The following PPFIA2 variants were observed in gnomAD, a reference collection of about 807,000 sequenced individuals.
PPFIA2 encodes the protein liprin-alpha-2.
Under a neutral mutation model 175.5 loss-of-function variants are expected in PPFIA2, and 46 were observed. The observed-to-expected ratio is 0.26, with a 90% CI of 0.21 to 0.34. The LOEUF (loss-of-function observed/expected upper bound fraction) is 0.34, where lower values mean the gene tolerates loss of function less well. Ranked by LOEUF, PPFIA2 falls within the 10% of genes least tolerant of loss-of-function variation. The probability of loss-of-function intolerance (pLI) is 1.00; values close to 1 mark genes in which losing one functional copy is unlikely to be tolerated. For missense variants in PPFIA2, 1,179 were observed against 1,506.1 expected, an observed-to-expected ratio of 0.78 and a Z score of 3.60; for synonymous variants, 568 against 511.4, an observed-to-expected ratio of 1.11 and a Z score of -1.49.
At chr12:81,673,575 T>C (rs2071850975) in intron 4 of PPFIA2, among the ~76,000 whole-genome samples, 1 of 152,072 alleles carries the variant, frequency 6.6e-6, no homozygotes, top group South Asian at 2.1e-4. Flanking sequence ...ATAAATTCTA[T>C]GCTCTTATGC....
intron 4 of PPFIA2, among the ~76,000 whole-genome samples, chr12:81,549,549 T>C (rs1271503740): frequency 6.6e-6 from 1 of 151,980 alleles, no homozygotes; most frequent in African/African-American, 2.4e-5. Flanking sequence ...TGCTTTTAAG[T>C]ATACAGGAGT....
intron 21 of PPFIA2, among the ~76,000 whole-genome samples, chr12:81,334,389 A>G (rs747691001): frequency 2.8e-4 from 42 of 152,026 alleles, no homozygotes; most frequent in Non-Finnish European, 7.4e-5. Flanking sequence ...AAAGTCCATA[A>G]TTGGTACTCT....
chr12:81,679,298 T>C (rs1455988479), intron 3 of PPFIA2, among the ~76,000 whole-genome samples: 21 of 151,882 alleles, frequency 1.4e-4, no homozygotes. Context: ...CCAAGTGCAT[T>C]TGGAGTTAAT....
Position 81,740,012 on chromosome 12 carries a change from A to G in PPFIA2, c.249+13961T>C, listed in dbSNP as rs534262654. Among the ~76,000 whole-genome samples the G allele has an allele frequency of 2.0e-5, 3 of 152,226 alleles. No individual in the cohort carries two copies. The East Asian group carries it at 5.8e-4, about 29-fold the overall frequency. On this transcript the variant is annotated intron_variant, in intron 3 of 32. Coordinates refer to ENST00000549396, the MANE Select transcript of PPFIA2 (RefSeq NM_003625.5). Reference sequence around the variant, plus strand: ...AAAGCAGAGCTGGGAGCCAAGAGCAATGAGATTTCATTTTCTTCCTGTAGC... The same window carrying G: ...AAAGCAGAGCTGGGAGCCAAGAGCAGTGAGATTTCATTTTCTTCCTGTAGC...
At chr12:81,466,375 A>T (rs2055627461) in intron 4 of PPFIA2, among the ~76,000 whole-genome samples, 1 of 152,170 alleles carries the variant, frequency 6.6e-6, no homozygotes, top group African/African-American at 2.4e-5. Flanking sequence ...CCCTTGGTAG[A>T]TGTGTACTTG....
chr12:81,680,025 T>A (rs2073310406), intron 3 of PPFIA2, among the ~76,000 whole-genome samples: 1 of 152,002 alleles, frequency 6.6e-6, no homozygotes, highest in Admixed American at 6.6e-5. Flanking sequence ...CAAATGTGTC[T>A]ATTTTCTTAT....
intron 4 of PPFIA2, among the ~76,000 whole-genome samples, chr12:81,495,583 T>C (rs1177781395): frequency 2.0e-5 from 3 of 152,086 alleles, no homozygotes; most frequent in Admixed American, 2.0e-4. Flanking sequence ...GGCAGAAGGA[T>C]TGCTTGAGCC....
intron 4 of PPFIA2, among the ~76,000 whole-genome samples, chr12:81,582,805 T>G (rs1448634236): frequency 6.6e-6 from 1 of 151,886 alleles, no homozygotes; most frequent in Non-Finnish European, 1.5e-5. Flanking sequence ...GTGTCACATA[T>G]GATGAAATGT....
At position 81,259,087 on chromosome 12, in the gene PPFIA2, A is replaced by T. The variant is rs1362044905; in HGVS notation, c.*607T>A. The T allele has an allele frequency of 4.1e-5, 7 of 171,384 alleles. No homozygotes were observed. The highest frequency in any genetic ancestry group is 6.3e-5 in the Admixed American group (1 of 15,868). 10.6% of individuals were successfully genotyped at this position (171,384 alleles called of 1,614,324 possible). On this transcript the variant is annotated 3_prime_UTR_variant, in exon 33 of 33. Transcript: ENST00000549396. ...AGGTTAAATCATTCTTTTTTACATG[A>T]TCAGAGGCAGGTTGTTCAGCTTTAA...
chr12:81,701,334 G>A (rs2076450389), intron 3 of PPFIA2, among the ~76,000 whole-genome samples: 1 of 152,130 alleles, frequency 6.6e-6, no homozygotes. Flanking sequence ...CTCCATATTA[G>A]GGCTGGGGTC....
At chr12:81,642,283 A>T (rs1197576912) in intron 4 of PPFIA2, among the ~76,000 whole-genome samples, 1 of 151,992 alleles carries the variant, frequency 6.6e-6, no homozygotes, top group Non-Finnish European at 1.5e-5. Context: ...AAAATAGCAG[A>T]TTAGCTCCAG....
At chr12:81,596,479 GTTA>G (rs1320643957) in intron 4 of PPFIA2, among the ~76,000 whole-genome samples, 1 of 152,026 alleles carries the variant, frequency 6.6e-6, no homozygotes, top group African/African-American at 2.4e-5. Flanking sequence ...ACAAGAATAT[GTTA>G]TTATCGACAA....
At chr12:81,725,611 A>C (rs1416131059) in intron 3 of PPFIA2, among the ~76,000 whole-genome samples, 1 of 150,910 alleles carries the variant, frequency 6.6e-6, no homozygotes, top group Non-Finnish European at 1.5e-5. Context: ...AGTTAGAAAA[A>C]ATATATAAAC....
intron 3 of PPFIA2, among the ~76,000 whole-genome samples, chr12:81,733,318 G>A (rs2081161390): frequency 6.6e-6 from 1 of 151,522 alleles, no homozygotes; most frequent in African/African-American, 2.4e-5. Context: ...AATGCTTTAA[G>A]GAAGATTGCG....
At chr12:81,503,907 TA>T (rs1302249393) in intron 4 of PPFIA2, among the ~76,000 whole-genome samples, 4 of 151,896 alleles carry the variant, frequency 2.6e-5, no homozygotes, top group East Asian at 1.9e-4. Context: ...CTGTAGCATT[TA>T]AAAAAATACA....
At chr12:81,297,025 C>G (rs1163254696) in intron 23 of PPFIA2, among the ~76,000 whole-genome samples, 3 of 152,170 alleles carry the variant, frequency 2.0e-5, no homozygotes, top group Non-Finnish European at 4.4e-5. Flanking sequence ...TGTCTCTTTC[C>G]CTCTGAGCTC....
chr12:81,493,781 TATATATAC>T (rs1413894114), intron 4 of PPFIA2, among the ~76,000 whole-genome samples: 1 of 136,408 alleles, frequency 7.3e-6, no homozygotes, highest in East Asian at 2.1e-4. Context: ...TATATATATA[TATATATAC>T]ACATTGGAAA....
intron 24 of PPFIA2, among the ~76,000 whole-genome samples, chr12:81,290,778 A>C (rs763771228): frequency 1.8e-4 from 27 of 151,880 alleles, no homozygotes; most frequent in Non-Finnish European, 3.4e-4. Flanking sequence ...AGTATTAAGA[A>C]TATGCATTCC....
intron 3 of PPFIA2, among the ~76,000 whole-genome samples, chr12:81,751,303 T>C (rs1361262959): frequency 1.3e-5 from 2 of 152,230 alleles, no homozygotes; most frequent in African/African-American, 4.8e-5. Flanking sequence ...ATCCCTAATC[T>C]ACAATTCCAA....
Sources: allele counts gnomAD v4.1 joint callset (sites outside exome capture counted in the v4.1 genomes callset), GRCh38; gene constraint gnomAD v4.1.1; transcripts MANE v1.5; gene names NCBI Gene and HGNC (gene_info 2026-07-23, HGNC 2026-07-21).